Variants in ADAMTSL1 observed in about 807,000 individuals in gnomAD.
The protein encoded by ADAMTSL1 is ADAMTS like 1.
In ADAMTSL1, 126 loss-of-function variants were observed where a neutral mutation model predicts 201.8. That is an observed-to-expected ratio of 0.62 (90% CI 0.54 to 0.72). ADAMTSL1 has a LOEUF of 0.72. ADAMTSL1 is among the 30% of genes least tolerant of loss of function. The pLI is 0.00. For missense variants in ADAMTSL1, 2,679 were observed against 2,277.8 expected (o/e 1.18, Z -3.59); for synonymous variants, 1,121 against 903.4 (o/e 1.24, Z -4.32).
intron 2 of ADAMTSL1, among the ~76,000 whole-genome samples, chr9:18,531,666 A>G (rs969157249): frequency 3.3e-5 from 5 of 152,210 alleles, no homozygotes; most frequent in African/African-American, 1.2e-4. Flanking sequence ...TACAAATGCT[A>G]TATGCATTTC....
chr9:18,478,349 A>G (rs1821564077), intron 1 of ADAMTSL1, among the ~76,000 whole-genome samples: 1 of 152,152 alleles, frequency 6.6e-6, no homozygotes, highest in Non-Finnish European at 1.5e-5. Flanking sequence ...CTTACTCAGA[A>G]TATAATTTTA....
intron 23 of ADAMTSL1, among the ~76,000 whole-genome samples, chr9:18,847,460 A>G (rs1368692115): frequency 6.6e-6 from 1 of 152,256 alleles, no homozygotes; most frequent in African/African-American, 2.4e-5. Context: ...ATAAACGTAT[A>G]CAGAAGCAAA....
chr9:18,676,473 A>G (rs1350463229), intron 10 of ADAMTSL1, among the ~76,000 whole-genome samples: 1 of 152,136 alleles, frequency 6.6e-6, no homozygotes, highest in African/African-American at 2.4e-5. Context: ...AATGTGCTGC[A>G]TTGCTTTTTT....
intron 1 of ADAMTSL1, among the ~76,000 whole-genome samples, chr9:18,106,130 A>G (rs1477095332): frequency 3.3e-5 from 5 of 152,148 alleles, no homozygotes; most frequent in Non-Finnish European, 7.3e-5. Context: ...GGGAATAGTG[A>G]TATGTGCTTG....
At chr9:18,592,087 C>G (rs1420812134) in intron 4 of ADAMTSL1, among the ~76,000 whole-genome samples, 1 of 152,158 alleles carries the variant, frequency 6.6e-6, no homozygotes, top group Non-Finnish European at 1.5e-5. Context: ...CATTGATTTG[C>G]TAAGCATACT....
intron 1 of ADAMTSL1, among the ~76,000 whole-genome samples, chr9:18,495,983 A>G (rs1356735842): frequency 2.6e-5 from 4 of 152,210 alleles, no homozygotes; most frequent in African/African-American, 9.6e-5. Context: ...TTGATTAAAT[A>G]TTTGTTGAAA....
chr9:18,621,861 G>T (rs985600064), intron 4 of ADAMTSL1, among the ~76,000 whole-genome samples: 1 of 152,064 alleles, frequency 6.6e-6, no homozygotes, highest in Non-Finnish European at 1.5e-5. Flanking sequence ...CTTGGTTGTA[G>T]TTTTTGTCAT....
At chr9:18,426,395 A>G (rs760208866) in intron 2 of ADAMTSL1, among the ~76,000 whole-genome samples, 54 of 152,184 alleles carry the variant, frequency 3.5e-4, no homozygotes, top group Non-Finnish European at 6.2e-4. Context: ...CTGGCAAATA[A>G]TTCCCTAAGT....
chr9:18,203,104 A>G (rs745366429), intron 2 of ADAMTSL1, among the ~76,000 whole-genome samples: 1 of 152,046 alleles, frequency 6.6e-6, no homozygotes, highest in Non-Finnish European at 1.5e-5. Context: ...TTTGATCCCA[A>G]AGCTGTCCAT....
At chr9:18,489,532 A>T (rs1213426760) in intron 1 of ADAMTSL1, among the ~76,000 whole-genome samples, 1 of 152,250 alleles carries the variant, frequency 6.6e-6, no homozygotes, top group African/African-American at 2.4e-5. Flanking sequence ...CATTCAAAAA[A>T]TAGGAACCAT....
At position 18,141,041 on chromosome 9, in the gene ADAMTSL1, C is replaced by T. The variant is rs75165591; in HGVS notation, c.88-22821C>T. 6.9e-3 allele frequency among the ~76,000 whole-genome samples: 1,056 copies of T among 152,290 alleles called. 11 individuals are homozygous for T. The highest frequency in any genetic ancestry group is 0.024 in the African/African-American group (1,017 of 41,554). On this transcript the variant is annotated intron_variant, in intron 1 of 29. Coordinates refer to the ADAMTSL1 transcript ENST00000680146. ...TATATGAATGTATCATGTGACCCAA[C>T]ACCCTGGAATCAGAATGATAGTTTA... is the stretch of plus-strand genomic sequence containing the variant.
intron 1 of ADAMTSL1, among the ~76,000 whole-genome samples, chr9:18,022,108 A>G (rs934149802): frequency 6.6e-6 from 1 of 152,046 alleles, no homozygotes; most frequent in African/African-American, 2.4e-5. Context: ...TGGGCCTGTG[A>G]TGTGTCTAAA....
chr9:18,875,894 T>C (rs1828115387), intron 23 of ADAMTSL1, among the ~76,000 whole-genome samples: 1 of 152,204 alleles, frequency 6.6e-6, no homozygotes, highest in African/African-American at 2.4e-5. Context: ...TACTTAAGTC[T>C]GGTAATGATT....
intron 1 of ADAMTSL1, among the ~76,000 whole-genome samples, chr9:18,001,070 T>G (rs1586877798): frequency 6.6e-6 from 1 of 151,624 alleles, no homozygotes; most frequent in Non-Finnish European, 1.5e-5. Context: ...CAGGAAAAAA[T>G]GAATGGGAAT....
At chr9:18,365,152 C>G (rs1048912440) in intron 2 of ADAMTSL1, among the ~76,000 whole-genome samples, 1 of 152,080 alleles carries the variant, frequency 6.6e-6, no homozygotes, top group African/African-American at 2.4e-5. Context: ...AAACCATAAC[C>G]AACCTAAATT....
chr9:18,717,230 TATAATA>T lies in ADAMTSL1; in HGVS notation c.1877-4286_1877-4281del, dbSNP rs71494984. 5.5e-3 allele frequency among the ~76,000 whole-genome samples: 801 copies of T among 144,408 alleles called. 4 individuals are homozygous for T. Among genetic ancestry groups the T allele is most frequent in the Non-Finnish European group, 8.8e-3 (584 of 66,080 alleles). The allele number at this position is 144,408 out of a possible 152,430, so 94.7% of individuals were successfully genotyped here. ...TGCACATGTACCCTAAAACTTAAAGTATAATAATAATAATAATAATAATAAATAAAA... is the reference window on the plus strand; with the variant it reads ...TGCACATGTACCCTAAAACTTAAAGTATAATAATAATAATAATAAATAAAA... On this transcript the variant is annotated intron_variant, in intron 14 of 28. Transcript: ENST00000380548.
intron 1 of ADAMTSL1, among the ~76,000 whole-genome samples, chr9:18,010,724 G>T (rs1309916487): frequency 6.6e-6 from 1 of 151,986 alleles, no homozygotes; most frequent in Non-Finnish European, 1.5e-5. Context: ...GCCTAGATTT[G>T]TTCCATTTGG....
At chr9:18,836,950 A>C (rs2131295285) in intron 23 of ADAMTSL1, among the ~76,000 whole-genome samples, 1 of 152,320 alleles carries the variant, frequency 6.6e-6, no homozygotes, top group East Asian at 1.9e-4. Flanking sequence ...GATTTTGTAC[A>C]TTGATTCTGT....
chr9:18,055,242 A>G (rs1374819189), intron 1 of ADAMTSL1, among the ~76,000 whole-genome samples: 1 of 152,244 alleles, frequency 6.6e-6, no homozygotes, highest in African/African-American at 2.4e-5. Context: ...ATACATAGCT[A>G]TCCTTACAGA....
Sources: allele counts gnomAD v4.1 joint callset (sites outside exome capture counted in the v4.1 genomes callset), GRCh38; gene constraint gnomAD v4.1.1; transcripts MANE v1.5; gene names NCBI Gene and HGNC (gene_info 2026-07-23, HGNC 2026-07-21).